Variants in KNCN observed in about 807,000 individuals in gnomAD.
KNCN encodes kinocilin.
Under a neutral mutation model 10.4 loss-of-function variants are expected in KNCN, and 11 were observed. The ratio of observed to expected loss-of-function variants is 1.06; its 90% CI spans 0.67 to 1.75. KNCN has a LOEUF of 1.75. KNCN is among the 40% of genes most tolerant of loss of function. KNCN has a pLI of 0.00. For missense variants in KNCN, 172 were observed against 167.1 expected (o/e 1.03, Z -0.16); for synonymous variants, 67 against 71.6 (o/e 0.94, Z 0.33).
In KNCN at chr1:46,545,801, C is replaced by T. The variant is rs1434897811; in HGVS notation, c.*1929G>A. Reference sequence around the variant, plus strand: ...AACCACACTCTCCACAGCTCAGTCTCCACATCCCCCATTCCCACCCCCTCC... The same window carrying T: ...AACCACACTCTCCACAGCTCAGTCTTCACATCCCCCATTCCCACCCCCTCC... On this transcript the variant is annotated 3_prime_UTR_variant, in exon 4 of 4. Coordinates refer to ENST00000481882, the MANE Select transcript of KNCN (RefSeq NM_001322255.2). 2 of 152,388 alleles carry T rather than the reference C, an allele frequency of 1.3e-5. No homozygotes were observed. Among genetic ancestry groups the T allele is most frequent in the Non-Finnish European group, 1.5e-5 (1 of 68,204 alleles). 9.4% of individuals were successfully genotyped at this position (152,388 alleles called of 1,614,324 possible).
At chr1:46,549,668 T>C (rs1667025735) in intron 2 of KNCN, 1 of 584,708 alleles carries the variant, frequency 1.7e-6, no homozygotes. Context: ...GTTGGAGGCT[T>C]TGGGGAGTCA....
chr1:46,550,947 C>A lies in KNCN; in HGVS notation c.151+118G>T, dbSNP rs369816457. The A allele has an allele frequency of 1.4e-4, 144 of 1,035,864 alleles. 2 individuals carry two copies. The East Asian group carries it at 2.6e-3, about 19-fold the overall frequency. The allele number at this position is 1,035,864 out of a possible 1,614,324, so 64.2% of individuals were successfully genotyped here. A position where few individuals can be genotyped will look rare whatever the true frequency, so the allele number is the denominator to read the frequency against. On this transcript the variant is annotated intron_variant, in intron 1 of 3. Transcript: ENST00000481882. ...CGGCCTTGCTCACACCTCTAGCTTCCGTTCTCCCCAGCTGATTCCTGCTGA... is the reference window on the plus strand; with the variant it reads ...CGGCCTTGCTCACACCTCTAGCTTCAGTTCTCCCCAGCTGATTCCTGCTGA...
rs1667014198 is a variant in KNCN, at chr1:46,549,204, C to T, written c.284G>A (p.Gly95Asp). ...DHGEGRSSTN[G>D]NKEGARSSLS... ...TTTCTGGAACTTACCTTCCTTGTTGCCATTGGTGCTGGATCTTCCTTCCCC... is the reference window on the plus strand; with the variant it reads ...TTTCTGGAACTTACCTTCCTTGTTGTCATTGGTGCTGGATCTTCCTTCCCC... Residue 95 changes from glycine to aspartate, a missense_variant, in exon 3 of 4, where the codon GGC (glycine) becomes GAC (aspartate). Physicochemically the swap from Gly to Asp is moderately conservative, Grantham distance 94. Transcript: ENST00000481882. The T allele has an allele frequency of 1.9e-6, 3 of 1,611,612 alleles. No homozygotes were observed. Among genetic ancestry groups the T allele is most frequent in the South Asian group, 1.1e-5 (1 of 90,754 alleles).
Position 46,550,014 on chromosome 1 carries a change from C to G in KNCN, c.152-12G>C, listed in dbSNP as rs1667032989. 1.3e-6 allele frequency: 2 copies of G among 1,550,438 alleles called. No individual in the cohort carries two copies. Among genetic ancestry groups the G allele is most frequent in the Non-Finnish European group, 1.7e-6 (2 of 1,146,976 alleles). ...CAAGATGAGGAGCCCTGAGAAGAGA[C>G]ACAGGGGGTTCTGTGATGGGGAGGA... On this transcript the variant is annotated splice_polypyrimidine_tract_variant and intron_variant, in intron 1 of 3. Transcript: ENST00000481882.
chr1:46,550,994 G>T (rs1031171414), intron 1 of KNCN, 71 bp downstream of exon 1: 36 of 1,395,428 alleles, frequency 2.6e-5, no homozygotes, highest in Non-Finnish European at 3.4e-5. Flanking sequence ...CCTGTTCCTT[G>T]TTCACCTGAC....
At chr1:46,549,566 G>T in intron 2 of KNCN, 1 of 524,048 alleles carries the variant, frequency 1.9e-6, no homozygotes, top group Non-Finnish European at 3.4e-6. Context: ...GAGCTGAGAT[G>T]AGGTGGGAGC....
chr1:46,550,217 A>G (rs1406610478), intron 1 of KNCN, among the ~76,000 whole-genome samples: 1 of 152,140 alleles, frequency 6.6e-6, no homozygotes, highest in Non-Finnish European at 1.5e-5. Flanking sequence ...AAGAGGCTAC[A>G]GACTGTGAAG....
chr1:46,550,368 G>T (rs1215745083), intron 1 of KNCN, among the ~76,000 whole-genome samples: 1 of 152,198 alleles, frequency 6.6e-6, no homozygotes, highest in Non-Finnish European at 1.5e-5. Flanking sequence ...TCCTCAGCAT[G>T]TTCCTCCCCA....
chr1:46,549,477 T>C (rs773416342), intron 2 of KNCN, among the ~76,000 whole-genome samples: 4 of 152,126 alleles, frequency 2.6e-5, no homozygotes, highest in Non-Finnish European at 5.9e-5. Context: ...GCAGATCTTT[T>C]AGGGAGGTGA....
chr1:46,547,449 C>T lies in KNCN; in HGVS notation c.*281G>A, dbSNP rs1666966200. Reference sequence around the variant, plus strand: ...CAGGCAACAAAGCTGAGCTGCAGTCCAGAAAGAAAGGCCAGGGCAGGAGCC... The same window carrying T: ...CAGGCAACAAAGCTGAGCTGCAGTCTAGAAAGAAAGGCCAGGGCAGGAGCC... On this transcript the variant is annotated 3_prime_UTR_variant, in exon 4 of 4. Transcript: ENST00000481882. 5 of 660,992 alleles carry T rather than the reference C, an allele frequency of 7.6e-6. No homozygotes were observed. The highest frequency in any genetic ancestry group is 2.1e-5 in the Admixed American group (1 of 48,494). The allele number at this position is 660,992 out of a possible 1,614,324, so 40.9% of individuals were successfully genotyped here.
At chr1:46,548,288 G>A (rs945106925) in intron 3 of KNCN, among the ~76,000 whole-genome samples, 2 of 152,196 alleles carry the variant, frequency 1.3e-5, no homozygotes, top group African/African-American at 4.8e-5. Flanking sequence ...ACCCCTGGTG[G>A]CAGAGACTGG....
chr1:46,547,700 C>A lies in KNCN; in HGVS notation c.*30G>T. ...AGGGGCAGCAGGCAGGATGGGAGGG[C>A]AGGGCATGGGCAGCCGCTCAGACTT... On this transcript the variant is annotated 3_prime_UTR_variant, in exon 4 of 4. Coordinates refer to ENST00000481882, the MANE Select transcript of KNCN (RefSeq NM_001322255.2). The A allele has an allele frequency of 6.6e-7, 1 of 1,507,348 alleles. No individual in the cohort carries two copies. The highest frequency in any genetic ancestry group is 9.0e-7 in the Non-Finnish European group (1 of 1,114,984). The allele number at this position is 1,507,348 out of a possible 1,614,324, so 93.4% of individuals were successfully genotyped here.
chr1:46,550,162 G>C, intron 1 of KNCN, 160 bp from the exon 2 acceptor site: 1 of 1,409,662 alleles, frequency 7.1e-7, no homozygotes, highest in South Asian at 1.3e-5. Flanking sequence ...ATGTGAGCCT[G>C]TGGGTGTGTG....
intron 3 of KNCN, among the ~76,000 whole-genome samples, chr1:46,548,958 T>C (rs1199289843): frequency 3.3e-5 from 5 of 152,056 alleles, no homozygotes. Context: ...CTGACCAACA[T>C]GGAGAAACCC....
Position 46,547,293 on chromosome 1 carries a change from G to C in KNCN, c.*437C>G, listed in dbSNP as rs765541981. On this transcript the variant is annotated 3_prime_UTR_variant, in exon 4 of 4. Transcript: ENST00000481882. Reference sequence around the variant, plus strand: ...CCTGGGCTAGACCGTGGGGGTGGAGGGTCCCTGTCTGTGGTTCTTGTGGGC... The same window carrying C: ...CCTGGGCTAGACCGTGGGGGTGGAGCGTCCCTGTCTGTGGTTCTTGTGGGC... 1.9e-5 allele frequency: 8 copies of C among 430,718 alleles called. No individual in the cohort carries two copies. Among genetic ancestry groups the C allele is most frequent in the Non-Finnish European group, 3.3e-5 (7 of 214,922 alleles). The allele number at this position is 430,718 out of a possible 1,614,324, so 26.7% of individuals were successfully genotyped here. A position where few individuals can be genotyped will look rare whatever the true frequency, so the allele number is the denominator to read the frequency against.
chr1:46,550,532 C>T (rs766504151), intron 1 of KNCN, among the ~76,000 whole-genome samples: 46 of 127,918 alleles, frequency 3.6e-4, no homozygotes, highest in Non-Finnish European at 6.3e-4. Flanking sequence ...TGGGCGGGGG[C>T]GGGGGGTGGG....
In KNCN at chr1:46,551,303, G is replaced by C; in HGVS notation, c.-88C>G. On this transcript the variant is annotated 5_prime_UTR_variant, in exon 1 of 4. Coordinates refer to ENST00000481882, the MANE Select transcript of KNCN (RefSeq NM_001322255.2). This position sits in a 1 kb window ranked among gnomAD's most constrained non-coding sequence, Gnocchi z 4.0. Reference sequence around the variant, plus strand: ...TTTCTGGGCTCTTGGATGTCTCCTTGTTGGCGCTCCAACTTCAGGGTAGGA... The same window carrying C: ...TTTCTGGGCTCTTGGATGTCTCCTTCTTGGCGCTCCAACTTCAGGGTAGGA... 1 of 1,470,498 alleles carries C rather than the reference G, an allele frequency of 6.8e-7. No individual in the cohort carries two copies. Among genetic ancestry groups the C allele is most frequent in the Admixed American group, 2.3e-5 (1 of 43,930 alleles). The allele number at this position is 1,470,498 out of a possible 1,614,324, so 91.1% of individuals were successfully genotyped here.
At position 46,547,597 on chromosome 1, in the gene KNCN, T is replaced by C. The variant is rs1353612173; in HGVS notation, c.*133A>G. ...GTGCAAAAGGCCCCATTCCAGACAC[T>C]GTTCCCAGCCGCTCTGGGGTCTGCA... On this transcript the variant is annotated 3_prime_UTR_variant, in exon 4 of 4. Coordinates refer to ENST00000481882, the MANE Select transcript of KNCN (RefSeq NM_001322255.2). 1 of 755,542 alleles carries C rather than the reference T, an allele frequency of 1.3e-6. No individual in the cohort carries two copies. Among genetic ancestry groups the C allele is most frequent in the African/African-American group, 1.7e-5 (1 of 57,912 alleles). The allele number at this position is 755,542 out of a possible 1,614,324, so 46.8% of individuals were successfully genotyped here. A position where few individuals can be genotyped will look rare whatever the true frequency, so the allele number is the denominator to read the frequency against.
chr1:46,550,904 C>T (rs539406831), intron 1 of KNCN, among the ~76,000 whole-genome samples, 161 bp downstream of exon 1: 68 of 152,266 alleles, frequency 4.5e-4, no homozygotes, highest in Admixed American at 7.2e-4. Flanking sequence ...GCTCCTCTCC[C>T]GCCTGTGCCC....
Sources: allele counts gnomAD v4.1 joint callset (sites outside exome capture counted in the v4.1 genomes callset), GRCh38; gene constraint gnomAD v4.1.1; non-coding constraint Gnocchi (gnomAD v3.1); transcripts MANE v1.5; gene names NCBI Gene and HGNC (gene_info 2026-07-23, HGNC 2026-07-21).